Variants in SYT13 observed in about 807,000 individuals in gnomAD.
SYT13 encodes synaptotagmin 13.
In SYT13, 21 loss-of-function variants were observed where a neutral mutation model predicts 38.6. The ratio of observed to expected loss-of-function variants is 0.54; its 90% CI spans 0.39 to 0.78. The LOEUF is 0.78. Among genes scored for constraint, SYT13 ranks in the 30% least tolerant of loss-of-function variants. SYT13 has a pLI of 0.00. For missense variants in SYT13, 495 were observed against 548.7 expected (o/e 0.90, Z 0.98); for synonymous variants, 241 against 237.6 (o/e 1.01, Z -0.13).
chr11:45,256,202 G>C (rs1565382024), intron 1 of SYT13, among the ~76,000 whole-genome samples: 1 of 152,022 alleles, frequency 6.6e-6, no homozygotes, highest in Non-Finnish European at 1.5e-5. Flanking sequence ...GCTCTCATCT[G>C]CTCCCCTTGC....
Position 45,252,789 on chromosome 11 carries a change from C to A in SYT13, c.545-67G>T. The A allele has an allele frequency of 6.7e-7, 1 of 1,497,592 alleles. No homozygotes were observed. The highest frequency in any genetic ancestry group is 9.0e-7 in the Non-Finnish European group (1 of 1,115,690). The allele number at this position is 1,497,592 out of a possible 1,614,324, so 92.8% of individuals were successfully genotyped here. A position where few individuals can be genotyped will look rare whatever the true frequency, so the allele number is the denominator to read the frequency against. On this transcript the variant is annotated intron_variant, in intron 3 of 5. Coordinates refer to ENST00000020926, the MANE Select transcript of SYT13 (RefSeq NM_020826.3). This position sits in a 1 kb window ranked among gnomAD's most constrained non-coding sequence, Gnocchi z 4.3. The stretch of plus-strand genomic sequence containing the variant: ...GACAAGTGGAGGGGGCAGAAGCACG[C>A]CTTGCTTAGGGCTGTGGAATCCAGC...
chr11:45,272,160 A>T (rs1376451657), intron 1 of SYT13, among the ~76,000 whole-genome samples: 3 of 152,180 alleles, frequency 2.0e-5, no homozygotes, highest in Non-Finnish European at 4.4e-5. Flanking sequence ...ACACATGGAC[A>T]CAGGGAGGGG....
intron 1 of SYT13, among the ~76,000 whole-genome samples, chr11:45,260,448 C>A (rs550498161): frequency 2.6e-5 from 4 of 152,222 alleles, no homozygotes; most frequent in South Asian, 2.1e-4. Flanking sequence ...AGAGAGGGAG[C>A]CTGGGAGAGG....
chr11:45,283,932 G>C (rs1272032567), intron 1 of SYT13, among the ~76,000 whole-genome samples: 1 of 152,222 alleles, frequency 6.6e-6, no homozygotes, highest in Admixed American at 6.5e-5. Flanking sequence ...AATGTAAAGA[G>C]TGCCATAAAA....
Position 45,244,084 on chromosome 11 carries a change from G to A in SYT13, c.1249C>T (p.Gln417Ter). Residue 417 changes from glutamine (Q) to a stop codon, truncating the protein, a stop_gained, in exon 6 of 6, where the codon CAG becomes TAG. Coordinates refer to ENST00000020926, the MANE Select transcript of SYT13 (RefSeq NM_020826.3). LOFTEE classifies it high-confidence loss of function. ...WEEMLKNPRR[Q>*]IAMWHQLHL ...TGCAGCTGGTGCCACATGGCAATCTGCCGGCGAGGGTTTTTGAGCATCTCC... is the reference window on the plus strand; with the variant it reads ...TGCAGCTGGTGCCACATGGCAATCTACCGGCGAGGGTTTTTGAGCATCTCC... 6.2e-7 allele frequency: 1 copy of A among 1,607,672 alleles called. No individual in the cohort carries two copies. The highest frequency in any genetic ancestry group is 8.5e-7 in the Non-Finnish European group (1 of 1,178,422).
In SYT13 at chr11:45,286,070, G is replaced by C; in HGVS notation, c.138C>G (p.Pro46=). ...KKGLLPRDQD[P]DLEKAKPSLL... is the part of the protein sequence containing the mutation. The stretch of plus-strand genomic sequence containing the variant: ...AGCTGGGCTTCGCCTTCTCCAGGTC[G>C]GGGTCCTGGTCCCGCGGCAGCAGCC... The change falls in exon 1 of 6, where the codon CCC becomes CCG. Residue 46 remains proline (P), a synonymous_variant. Coordinates refer to ENST00000020926, the MANE Select transcript of SYT13 (RefSeq NM_020826.3). 1 of 1,609,664 alleles carries C rather than the reference G, an allele frequency of 6.2e-7. No homozygotes were observed. The highest frequency in any genetic ancestry group is 8.5e-7 in the Non-Finnish European group (1 of 1,179,492).
At chr11:45,275,526 G>A (rs1855000301) in intron 1 of SYT13, among the ~76,000 whole-genome samples, 1 of 152,192 alleles carries the variant, frequency 6.6e-6, no homozygotes, top group South Asian at 2.1e-4. Context: ...TGCATTCCAA[G>A]TCTACCCCAA....
In SYT13 at chr11:45,240,655, TAATC is replaced by T. The variant is rs917677384; in HGVS notation, c.*3393_*3396del. ...AAATGGACAGACATATGCAAGGTCT[TAATC>T]AATAAGTGCTCAACAAATAGATATT... On this transcript the variant is annotated 3_prime_UTR_variant, in exon 6 of 6. Coordinates refer to ENST00000020926, the MANE Select transcript of SYT13 (RefSeq NM_020826.3). 2 of 152,238 alleles carry T rather than the reference TAATC, an allele frequency of 1.3e-5. No individual in the cohort carries two copies. Among genetic ancestry groups the T allele is most frequent in the Non-Finnish European group, 2.9e-5 (2 of 68,046 alleles). 9.4% of individuals were successfully genotyped at this position (152,238 alleles called of 1,614,324 possible).
rs1854582347 is a variant in SYT13, at chr11:45,243,921, G to C, written c.*131C>G. The C allele has an allele frequency of 4.2e-6, 4 of 951,216 alleles. No individual in the cohort carries two copies. Among genetic ancestry groups the C allele is most frequent in the Non-Finnish European group, 6.3e-6 (4 of 635,180 alleles). 58.9% of individuals were successfully genotyped at this position (951,216 alleles called of 1,614,324 possible). A position where few individuals can be genotyped will look rare whatever the true frequency, so the allele number is the denominator to read the frequency against. On this transcript the variant is annotated 3_prime_UTR_variant, in exon 6 of 6. Transcript: ENST00000020926. ...TTTCTAAGAAACAAGAGTATGATGA[G>C]AGAGCCATCCCAGCCTTGCAAACAC...
intron 1 of SYT13, among the ~76,000 whole-genome samples, chr11:45,270,061 G>A (rs1854930691): frequency 3.3e-5 from 5 of 152,096 alleles, no homozygotes; most frequent in Admixed American, 3.3e-4. Context: ...CCACAACAAG[G>A]CTGTCAGCAA....
intron 1 of SYT13, among the ~76,000 whole-genome samples, chr11:45,266,387 C>T (rs1854881512): frequency 6.6e-6 from 1 of 152,078 alleles, no homozygotes; most frequent in South Asian, 2.1e-4. Context: ...GTATTTGATT[C>T]CATATGATTG....
intron 1 of SYT13, among the ~76,000 whole-genome samples, chr11:45,265,478 CGTAAACTGG>C (rs553645467): frequency 9.2e-5 from 14 of 152,146 alleles, no homozygotes; most frequent in Non-Finnish European, 1.9e-4. Context: ...TAAAACTTAC[CGTAAACTGG>C]GTAGCTTCGA....
chr11:45,277,323 G>A (rs1405681305), intron 1 of SYT13, among the ~76,000 whole-genome samples: 2 of 152,168 alleles, frequency 1.3e-5, no homozygotes, highest in African/African-American at 4.8e-5. Flanking sequence ...GCACAACAAT[G>A]TGAATATACT....
At position 45,262,754 on chromosome 11, in the gene SYT13, CACACACACACACACAA is replaced by C. The variant is rs1324665098; in HGVS notation, c.184-6879_184-6864del. ...ACACACACACACACACACACACACA[CACACACACACACACAA>C]ATTGAACTGTACACTTAAAAATGGT... On this transcript the variant is annotated intron_variant, in intron 1 of 5. Transcript: ENST00000020926. Among the ~76,000 whole-genome samples the C allele has an allele frequency of 1.1e-3, 145 of 137,134 alleles. 1 individual carries two copies. Among genetic ancestry groups the C allele is most frequent in the African/African-American group, 3.4e-3 (125 of 36,628 alleles). The allele number at this position is 137,134 out of a possible 152,430, so 90.0% of individuals were successfully genotyped here.
intron 5 of SYT13, among the ~76,000 whole-genome samples, 156 bp from the exon 6 acceptor site, chr11:45,244,512 C>T (rs1234909007): frequency 5.9e-5 from 9 of 152,120 alleles, no homozygotes; most frequent in Admixed American, 5.9e-4. Flanking sequence ...TCTTAGAGGC[C>T]TCAGTTTTTC....
Position 45,286,211 on chromosome 11 carries a change from G to T in SYT13, c.-4C>A, listed in dbSNP as rs1055449910. On this transcript the variant is annotated 5_prime_UTR_variant, in exon 1 of 6. Transcript: ENST00000020926. ...TCACAGGCACCGACAGCACCATGGT[G>T]CCCGCTCCCGGCGAGGGGCTGGGTC... is the stretch of plus-strand genomic sequence containing the variant. 2.6e-6 allele frequency: 4 copies of T among 1,543,898 alleles called. No homozygotes were observed. Among genetic ancestry groups the T allele is most frequent in the Non-Finnish European group, 3.5e-6 (4 of 1,147,540 alleles).
chr11:45,260,507 AGCAGG>A (rs1187819962), intron 1 of SYT13, among the ~76,000 whole-genome samples: 1 of 152,188 alleles, frequency 6.6e-6, no homozygotes, highest in Non-Finnish European at 1.5e-5. Context: ...TGCTCAGGGT[AGCAGG>A]GCCCTAGAGA....
chr11:45,251,113 G>A (rs1280104472), intron 4 of SYT13, among the ~76,000 whole-genome samples: 3 of 152,104 alleles, frequency 2.0e-5, no homozygotes, highest in African/African-American at 4.8e-5. Context: ...CCCTTGGCCG[G>A]GTGCAGTGAC....
At chr11:45,262,792 T>C (rs1193973448) in intron 1 of SYT13, among the ~76,000 whole-genome samples, 1 of 144,204 alleles carries the variant, frequency 6.9e-6, no homozygotes, top group African/African-American at 2.6e-5. Flanking sequence ...CACTTAAAAA[T>C]GGTGAAGATG....
Sources: gnomAD v4.1 joint callset for allele counts (sites outside exome capture counted in the v4.1 genomes callset) on GRCh38, gnomAD v4.1.1 for gene constraint, Gnocchi (gnomAD v3.1) non-coding constraint, MANE v1.5 for transcripts, NCBI Gene and HGNC (gene_info 2026-07-23, HGNC 2026-07-21) for gene names.